SNX29: variants seen among roughly 807,000 people sequenced by gnomAD.
SNX29 encodes the protein sorting nexin 29.
Under a neutral mutation model 102.1 loss-of-function variants are expected in SNX29, and 78 were observed. The observed-to-expected ratio is 0.76, with a 90% CI of 0.64 to 0.92. The LOEUF (loss-of-function observed/expected upper bound fraction) is 0.92, where lower values mean the gene tolerates loss of function less well. Among genes scored for constraint, SNX29 ranks in the 40% least tolerant of loss-of-function variants. The pLI, the probability that SNX29 is intolerant of heterozygous loss-of-function variation, is 0.00. For synonymous variants in SNX29, 580 were observed against 414.5 expected, an observed-to-expected ratio of 1.40 and a Z score of -4.85; for missense variants, 1,280 against 1,061.7, an observed-to-expected ratio of 1.21 and a Z score of -2.86.
At chr16:12,296,862 A>G (rs975755554) in intron 15 of SNX29, among the ~76,000 whole-genome samples, 1 of 152,240 alleles carries the variant, frequency 6.6e-6, no homozygotes, top group Non-Finnish European at 1.5e-5. Flanking sequence ...GACTTGCTCT[A>G]TGCCAGGGTT....
At chr16:12,557,087 C>T (rs1347680934) in intron 20 of SNX29, among the ~76,000 whole-genome samples, 1 of 150,558 alleles carries the variant, frequency 6.6e-6, no homozygotes, top group Non-Finnish European at 1.5e-5. Context: ...AGGCTCAAGC[C>T]ATCTAGCTGC....
At chr16:12,178,764 G>A (rs1434361707) in intron 13 of SNX29, among the ~76,000 whole-genome samples, 4 of 152,184 alleles carry the variant, frequency 2.6e-5, no homozygotes, top group Non-Finnish European at 5.9e-5. Flanking sequence ...GACTTGAGTA[G>A]TATTTTCTTT....
chr16:12,554,205 G>A (rs146567619), intron 20 of SNX29, among the ~76,000 whole-genome samples: 132 of 152,336 alleles, frequency 8.7e-4, no homozygotes, highest in African/African-American at 3.1e-3. Context: ...TTTGAACGAT[G>A]AGCATATATA....
intron 20 of SNX29, among the ~76,000 whole-genome samples, chr16:12,533,568 A>G (rs981303215): frequency 2.0e-5 from 3 of 152,168 alleles, no homozygotes; most frequent in Non-Finnish European, 4.4e-5. Context: ...TAGCCTCGTC[A>G]TTATCAACCA....
At chr16:12,364,516 C>T (rs377191746) in intron 16 of SNX29, among the ~76,000 whole-genome samples, 17 of 150,958 alleles carry the variant, frequency 1.1e-4, no homozygotes, top group Admixed American at 1.3e-4. Context: ...TACCTTTTAG[C>T]GGGATTTGAT....
At position 12,047,731 on chromosome 16, in the gene SNX29, C is replaced by T. The variant is rs146402230; in HGVS notation, c.500-641C>T. On this transcript the variant is annotated intron_variant, in intron 6 of 20. Coordinates refer to ENST00000566228, the MANE Select transcript of SNX29 (RefSeq NM_032167.5). Reference sequence around the variant, plus strand: ...GGAGTGCAATGGCAGGATCTTGGCTCACCACAACCTCTGCCTCCTGGGTTC... The same window carrying T: ...GGAGTGCAATGGCAGGATCTTGGCTTACCACAACCTCTGCCTCCTGGGTTC... 4.8e-3 allele frequency among the ~76,000 whole-genome samples: 723 copies of T among 149,712 alleles called. 4 individuals carry two copies. The highest frequency in any genetic ancestry group is 0.017 in the African/African-American group (677 of 40,592).
intron 18 of SNX29, among the ~76,000 whole-genome samples, chr16:12,452,929 TA>T (rs1483468627): frequency 6.6e-6 from 1 of 152,196 alleles, no homozygotes; most frequent in African/African-American, 2.4e-5. Context: ...CGTTTGTTAG[TA>T]AGAGGAATAA....
At chr16:12,133,514 C>T (rs182501549) in intron 13 of SNX29, among the ~76,000 whole-genome samples, 109 of 152,078 alleles carry the variant, frequency 7.2e-4, no homozygotes, top group African/African-American at 2.6e-3. Flanking sequence ...TGGTTTCAAA[C>T]TCCTGGGCTC....
At chr16:12,346,117 TAGAA>T (rs754501572) in intron 15 of SNX29, among the ~76,000 whole-genome samples, 57 of 151,014 alleles carry the variant, frequency 3.8e-4, no homozygotes, top group Middle Eastern at 3.4e-3. Context: ...TCCTGGGTTT[TAGAA>T]AGATCATTTG....
chr16:12,043,681 A>G (rs1360219003), intron 5 of SNX29, among the ~76,000 whole-genome samples: 2 of 151,820 alleles, frequency 1.3e-5, no homozygotes, highest in African/African-American at 4.8e-5. Context: ...GGGATTCTTG[A>G]ATTCATTCAA....
chr16:12,309,057 T>C (rs2080444555), intron 15 of SNX29, among the ~76,000 whole-genome samples: 1 of 152,200 alleles, frequency 6.6e-6, no homozygotes, highest in African/African-American at 2.4e-5. Context: ...TTTGGGCCAT[T>C]AGCATTGACA....
chr16:11,984,814 C>G (rs1270729512), intron 1 of SNX29, among the ~76,000 whole-genome samples: 1 of 152,074 alleles, frequency 6.6e-6, no homozygotes, highest in African/African-American at 2.4e-5. Flanking sequence ...GCCACCACAC[C>G]CGTCTAACTT....
intron 20 of SNX29, among the ~76,000 whole-genome samples, chr16:12,553,022 G>A (rs1394975235): frequency 6.6e-6 from 1 of 152,232 alleles, no homozygotes; most frequent in Non-Finnish European, 1.5e-5. Context: ...GATTAGATCA[G>A]CTTTAAGAGG....
intron 15 of SNX29, among the ~76,000 whole-genome samples, chr16:12,340,105 A>G (rs2081569173): frequency 1.3e-5 from 2 of 152,172 alleles, no homozygotes; most frequent in Admixed American, 1.3e-4. Context: ...CCAAGACATA[A>G]TGATCAGGTT....
intron 11 of SNX29, chr16:12,088,284 CGGGTGTTGGGT>C (rs1000880367): frequency 1.4e-5 from 5 of 362,870 alleles, no homozygotes; most frequent in African/African-American, 8.5e-5. Flanking sequence ...AGAGCAGGGG[CGGGTGTTGGGT>C]GGGTGTTTTC....
chr16:12,150,724 G>C (rs2055263360), intron 13 of SNX29, among the ~76,000 whole-genome samples: 1 of 152,240 alleles, frequency 6.6e-6, no homozygotes, highest in Non-Finnish European at 1.5e-5. Flanking sequence ...CCAAGTCCGT[G>C]AGGAGGAAGT....
chr16:12,149,524 G>T (rs975557200), intron 13 of SNX29, among the ~76,000 whole-genome samples: 1 of 152,214 alleles, frequency 6.6e-6, no homozygotes, highest in African/African-American at 2.4e-5. Flanking sequence ...GTAGTCGTCA[G>T]TAGATCAGAT....
chr16:11,987,540 G>A (rs1229021581), intron 1 of SNX29, among the ~76,000 whole-genome samples: 1 of 151,954 alleles, frequency 6.6e-6, no homozygotes, highest in African/African-American at 2.4e-5. Context: ...GGGACTACAG[G>A]TGCGTGCCAC....
chr16:12,525,329 TAA>T (rs61166841), intron 20 of SNX29, among the ~76,000 whole-genome samples: 30 of 137,350 alleles, frequency 2.2e-4, no homozygotes, highest in South Asian at 9.2e-4. Flanking sequence ...TTGAAAAAAG[TAA>T]AAAAAAAAAA....
Sources: allele counts gnomAD v4.1 joint callset (sites outside exome capture counted in the v4.1 genomes callset), GRCh38; gene constraint gnomAD v4.1.1; transcripts MANE v1.5; gene names NCBI Gene and HGNC (gene_info 2026-07-23, HGNC 2026-07-21).